RAP1GDS1: variants seen among roughly 807,000 people sequenced by gnomAD.
The protein encoded by RAP1GDS1 is Rap1 GTPase-GDP dissociation stimulator 1.
Under a neutral mutation model 71.1 loss-of-function variants are expected in RAP1GDS1, and 35 were observed. That is an observed-to-expected ratio of 0.49 (90% CI 0.38 to 0.65). The LOEUF is 0.65. RAP1GDS1 is among the 30% of genes least tolerant of loss of function. The pLI, the probability that RAP1GDS1 is intolerant of heterozygous loss-of-function variation, is 0.00. For synonymous variants in RAP1GDS1, 229 were observed against 243.1 expected (o/e 0.94, Z 0.54); for missense variants, 663 against 706.1 (o/e 0.94, Z 0.69).
rs556917811 is a variant in RAP1GDS1, at chr4:98,442,979, A to G, written c.*862A>G. The G allele has an allele frequency of 1.5e-3, 323 of 219,594 alleles. 1 individual carries two copies. Among genetic ancestry groups the G allele is most frequent in the Admixed American group, 2.4e-3 (39 of 16,242 alleles). The allele number at this position is 219,594 out of a possible 1,614,324, so 13.6% of individuals were successfully genotyped here. A position where few individuals can be genotyped will look rare whatever the true frequency, so the allele number is the denominator to read the frequency against. ...TTCATTTGGCGCTTGTTTGTTTTCA[A>G]CTGAGGAAATTGAGTATAGTTCATT... On this transcript the variant is annotated 3_prime_UTR_variant, in exon 15 of 15. Coordinates refer to ENST00000408927, the MANE Select transcript of RAP1GDS1 (RefSeq NM_001100427.2).
chr4:98,305,695 A>G (rs1729212742), intron 2 of RAP1GDS1, among the ~76,000 whole-genome samples: 1 of 152,176 alleles, frequency 6.6e-6, no homozygotes, highest in Non-Finnish European at 1.5e-5. Flanking sequence ...GTACTTTATA[A>G]AAGGCAAAAA....
chr4:98,364,555 G>A (rs537479109), intron 4 of RAP1GDS1, among the ~76,000 whole-genome samples: 1 of 152,016 alleles, frequency 6.6e-6, no homozygotes, highest in Non-Finnish European at 1.5e-5. Flanking sequence ...CGCAGGTTTT[G>A]GAATATGTTT....
chr4:98,374,422 G>A (rs1193174642), intron 4 of RAP1GDS1, among the ~76,000 whole-genome samples: 1 of 151,970 alleles, frequency 6.6e-6, no homozygotes, highest in Non-Finnish European at 1.5e-5. Flanking sequence ...ACTAGATCCT[G>A]TAACGTAGTC....
intron 1 of RAP1GDS1, among the ~76,000 whole-genome samples, chr4:98,292,327 A>G (rs531381151): frequency 6.6e-6 from 1 of 151,688 alleles, no homozygotes; most frequent in Admixed American, 6.6e-5. Flanking sequence ...AGAGAAGAGG[A>G]CTCACTTTGT....
Position 98,357,498 on chromosome 4 carries a change from A to G in RAP1GDS1, c.361+4897A>G, listed in dbSNP as rs541140840. The stretch of plus-strand genomic sequence containing the variant: ...CACTATAAAGACATTCTAAATATAG[A>G]TTGAAGTAGATGTTGTTTTGTAACA... On this transcript the variant is annotated intron_variant, in intron 4 of 14. Coordinates refer to ENST00000408927, the MANE Select transcript of RAP1GDS1 (RefSeq NM_001100427.2). 5.3e-5 allele frequency among the ~76,000 whole-genome samples: 8 copies of G among 152,038 alleles called. No homozygotes were observed. The South Asian group carries it at 1.2e-3, about 24-fold the overall frequency.
chr4:98,287,751 C>G (rs1389889606), intron 1 of RAP1GDS1, among the ~76,000 whole-genome samples: 1 of 151,802 alleles, frequency 6.6e-6, no homozygotes, highest in Non-Finnish European at 1.5e-5. Context: ...AAATATTGCA[C>G]ACATGCACCT....
chr4:98,395,221 T>C (rs1428835023), intron 6 of RAP1GDS1, among the ~76,000 whole-genome samples: 1 of 152,156 alleles, frequency 6.6e-6, no homozygotes, highest in Non-Finnish European at 1.5e-5. Flanking sequence ...TCTATAGTTA[T>C]TTTTACTATA....
At chr4:98,271,884 A>G (rs1258902441) in intron 1 of RAP1GDS1, among the ~76,000 whole-genome samples, 1 of 152,216 alleles carries the variant, frequency 6.6e-6, no homozygotes, top group African/African-American at 2.4e-5. Context: ...GGGGACAACT[A>G]ACACTCCAAC....
At chr4:98,352,922 T>C (rs1737425771) in intron 4 of RAP1GDS1, among the ~76,000 whole-genome samples, 2 of 152,228 alleles carry the variant, frequency 1.3e-5, no homozygotes, top group Admixed American at 1.3e-4. Flanking sequence ...CATTGAAATA[T>C]TATCTCTGAA....
intron 2 of RAP1GDS1, among the ~76,000 whole-genome samples, chr4:98,295,800 G>A (rs1029387614): frequency 9.9e-5 from 15 of 151,830 alleles, no homozygotes; most frequent in African/African-American, 3.6e-4. Flanking sequence ...AAGTGGATAA[G>A]CCTGTTTTTC....
At chr4:98,330,314 C>T (rs1361164879) in intron 2 of RAP1GDS1, among the ~76,000 whole-genome samples, 6 of 152,218 alleles carry the variant, frequency 3.9e-5, no homozygotes, top group South Asian at 2.1e-4. Flanking sequence ...CATCATGGCC[C>T]GTTCTCAATG....
intron 2 of RAP1GDS1, among the ~76,000 whole-genome samples, chr4:98,329,535 A>G (rs541817300): frequency 1.3e-5 from 2 of 152,192 alleles, no homozygotes; most frequent in South Asian, 4.1e-4. Context: ...CATGCCTGTA[A>G]TCCCAACACT....
rs535113155 is a variant in RAP1GDS1 at position 98,360,347 on chromosome 4, TC to T, written c.361+7753del. ...AATAAGAAGTCATATATGGTTGCCT[TC>T]CCCCCCAACCCCACCCCCATTCTCT... is the stretch of plus-strand genomic sequence containing the variant. On this transcript the variant is annotated intron_variant, in intron 4 of 14. Coordinates refer to ENST00000408927, the MANE Select transcript of RAP1GDS1 (RefSeq NM_001100427.2). 2.0e-5 allele frequency among the ~76,000 whole-genome samples: 3 copies of T among 147,936 alleles called. No individual in the cohort carries two copies. The East Asian group carries it at 6.3e-4, about 31-fold the overall frequency.
chr4:98,320,421 A>C (rs1731647748), intron 2 of RAP1GDS1, among the ~76,000 whole-genome samples: 1 of 152,182 alleles, frequency 6.6e-6, no homozygotes, highest in African/African-American at 2.4e-5. Flanking sequence ...TTTCAGAATG[A>C]TTCAGTGTAG....
At chr4:98,285,152 C>T (rs1242682857) in intron 1 of RAP1GDS1, among the ~76,000 whole-genome samples, 1 of 151,984 alleles carries the variant, frequency 6.6e-6, no homozygotes, top group Non-Finnish European at 1.5e-5. Flanking sequence ...AGATACATTT[C>T]CTCAGTGAGC....
At chr4:98,345,510 A>G (rs1047461101) in intron 3 of RAP1GDS1, among the ~76,000 whole-genome samples, 4 of 152,148 alleles carry the variant, frequency 2.6e-5, no homozygotes, top group Non-Finnish European at 4.4e-5. Flanking sequence ...GACCTTTTAA[A>G]TGTATTATTC....
chr4:98,316,740 G>A (rs1408716927), intron 2 of RAP1GDS1, among the ~76,000 whole-genome samples: 2 of 152,128 alleles, frequency 1.3e-5, no homozygotes, highest in Non-Finnish European at 1.5e-5. Context: ...CTGGGTCTTG[G>A]GGTAGAAAAT....
At chr4:98,387,526 G>A (rs1742948538) in intron 5 of RAP1GDS1, 2 of 453,506 alleles carry the variant, frequency 4.4e-6, no homozygotes, top group Admixed American at 2.4e-5. Context: ...TCACACCAGC[G>A]CATGCGTTGA....
At chr4:98,390,176 A>G (rs1743392140) in intron 5 of RAP1GDS1, among the ~76,000 whole-genome samples, 1 of 152,160 alleles carries the variant, frequency 6.6e-6, no homozygotes, top group Admixed American at 6.6e-5. Context: ...TCTAACTTGG[A>G]AAGCTCCTTG....
Sources: gnomAD v4.1 joint callset for allele counts (sites outside exome capture counted in the v4.1 genomes callset) on GRCh38, gnomAD v4.1.1 for gene constraint, MANE v1.5 for transcripts, NCBI Gene and HGNC (gene_info 2026-07-23, HGNC 2026-07-21) for gene names.